The following SDC2 variants were observed in gnomAD, a reference collection of about 807,000 sequenced individuals.
SDC2 encodes syndecan-2.
Under a neutral mutation model 22.2 loss-of-function variants are expected in SDC2, and 13 were observed. The ratio of observed to expected loss-of-function variants is 0.59; its 90% CI spans 0.38 to 0.93. SDC2 has a LOEUF of 0.93. Ranked by LOEUF, SDC2 falls within the 40% of genes least tolerant of loss-of-function variation. SDC2 has a pLI of 0.00. For missense variants in SDC2, 235 were observed against 246.8 expected (o/e 0.95, Z 0.32); for synonymous variants, 94 against 92.8 (o/e 1.01, Z -0.07).
At position 96,602,392 on chromosome 8, in the gene SDC2, C is replaced by T. The variant is rs368195397; in HGVS notation, c.173-3C>T. ...CTCAGTTCATCTTCACTTACTTTTCCAGGAGCTGATGAGGATGTAGAGAGT... is the reference window on the plus strand; with the variant it reads ...CTCAGTTCATCTTCACTTACTTTTCTAGGAGCTGATGAGGATGTAGAGAGT... On this transcript the variant is annotated splice_region_variant and splice_polypyrimidine_tract_variant and intron_variant, in intron 2 of 4. Coordinates refer to ENST00000302190, the MANE Select transcript of SDC2 (RefSeq NM_002998.4). The T allele has an allele frequency of 1.2e-6, 2 of 1,613,312 alleles. No homozygotes were observed. Among genetic ancestry groups the T allele is most frequent in the Non-Finnish European group, 1.7e-6 (2 of 1,179,550 alleles).
At chr8:96,520,501 C>T (rs186908892) in intron 1 of SDC2, among the ~76,000 whole-genome samples, 4 of 152,278 alleles carry the variant, frequency 2.6e-5, no homozygotes, top group Non-Finnish European at 4.4e-5. Context: ...AGAGCCTCTC[C>T]TCACATTCCC....
At chr8:96,494,692 G>A (rs1212912187) in intron 1 of SDC2, among the ~76,000 whole-genome samples, 1 of 152,138 alleles carries the variant, frequency 6.6e-6, no homozygotes, top group Non-Finnish European at 1.5e-5. Flanking sequence ...CCTGGGTCGG[G>A]CCCGCGAGGG....
intron 1 of SDC2, among the ~76,000 whole-genome samples, chr8:96,570,938 G>A (rs1171840351): frequency 6.6e-6 from 1 of 152,130 alleles, no homozygotes; most frequent in East Asian, 1.9e-4. Context: ...ACTGTTTAAT[G>A]GGTAGAGTTT....
intron 1 of SDC2, among the ~76,000 whole-genome samples, chr8:96,560,447 A>G (rs891796266): frequency 6.6e-6 from 1 of 152,224 alleles, no homozygotes; most frequent in African/African-American, 2.4e-5. Flanking sequence ...TACCAAAGAT[A>G]TGTAACTGAA....
chr8:96,497,330 C>T (rs925541986), intron 1 of SDC2, among the ~76,000 whole-genome samples: 5 of 151,842 alleles, frequency 3.3e-5, no homozygotes, highest in Admixed American at 1.3e-4. Context: ...AACAAGGGCT[C>T]TTTCTCTCTT....
chr8:96,515,918 TTTC>T (rs1813394642), intron 1 of SDC2, among the ~76,000 whole-genome samples: 1 of 152,064 alleles, frequency 6.6e-6, no homozygotes, highest in Non-Finnish European at 1.5e-5. Flanking sequence ...ATCATGACAC[TTTC>T]ACCAACTTAC....
intron 1 of SDC2, among the ~76,000 whole-genome samples, chr8:96,535,553 G>C (rs184485691): frequency 1.3e-5 from 2 of 152,328 alleles, no homozygotes; most frequent in East Asian, 1.9e-4. Context: ...CGAACTTAAA[G>C]AGAAAATGCC....
At chr8:96,557,629 G>T (rs573021619) in intron 1 of SDC2, among the ~76,000 whole-genome samples, 2 of 151,602 alleles carry the variant, frequency 1.3e-5, no homozygotes, top group Admixed American at 1.3e-4. Context: ...CTGTGGTGGG[G>T]TGGGGGGAGT....
At chr8:96,607,108 TC>T (rs143121083) in intron 3 of SDC2, among the ~76,000 whole-genome samples, 2 of 151,676 alleles carry the variant, frequency 1.3e-5, no homozygotes, top group African/African-American at 2.4e-5. Context: ...AATAGTTTCA[TC>T]CCCCTCCATC....
At chr8:96,577,459 A>G (rs1586310398) in intron 1 of SDC2, among the ~76,000 whole-genome samples, 1 of 152,214 alleles carries the variant, frequency 6.6e-6, no homozygotes. Context: ...AATTGAGCAG[A>G]TAGAACATTG....
intron 1 of SDC2, among the ~76,000 whole-genome samples, chr8:96,527,015 A>G (rs1813588762): frequency 6.6e-6 from 1 of 152,114 alleles, no homozygotes; most frequent in African/African-American, 2.4e-5. Context: ...TTTGGATGTC[A>G]GAGTCATATT....
intron 1 of SDC2, among the ~76,000 whole-genome samples, chr8:96,574,768 C>A (rs1447144753): frequency 6.6e-6 from 1 of 152,148 alleles, no homozygotes; most frequent in Non-Finnish European, 1.5e-5. Flanking sequence ...TGTTTTATGT[C>A]TTTGGAAAAA....
At chr8:96,596,441 G>A (rs182098541) in intron 2 of SDC2, among the ~76,000 whole-genome samples, 26 of 152,298 alleles carry the variant, frequency 1.7e-4, no homozygotes, top group African/African-American at 6.0e-4. Context: ...TTCTATATGT[G>A]GGCTCAAGTA....
chr8:96,547,486 G>T (rs1171143753), intron 1 of SDC2, among the ~76,000 whole-genome samples: 5 of 152,186 alleles, frequency 3.3e-5, no homozygotes, highest in African/African-American at 1.2e-4. Flanking sequence ...CTGTTAGGCG[G>T]CTCCATGTGT....
At chr8:96,549,782 T>A (rs183043855) in intron 1 of SDC2, among the ~76,000 whole-genome samples, 3 of 152,358 alleles carry the variant, frequency 2.0e-5, no homozygotes, top group Admixed American at 2.0e-4. Flanking sequence ...TAAATTTGAT[T>A]TTTTAGTTGA....
chr8:96,545,992 G>T (rs1382515753), intron 1 of SDC2, among the ~76,000 whole-genome samples: 1 of 152,226 alleles, frequency 6.6e-6, no homozygotes, highest in Admixed American at 6.5e-5. Flanking sequence ...GGCAACAGCA[G>T]TCAGGCTCTA....
chr8:96,494,276 G>T lies in SDC2; in HGVS notation c.5G>T (p.Arg2Leu). The T allele has an allele frequency of 6.5e-7, 1 of 1,545,604 alleles. No homozygotes were observed. The change falls in exon 1 of 5, where the codon CGG (arginine) becomes CTG (leucine). Residue 2 changes from arginine to leucine, a missense_variant. By Grantham distance (102) the Arg-to-Leu change is moderately radical (BLOSUM62 -2). Coordinates refer to ENST00000302190, the MANE Select transcript of SDC2 (RefSeq NM_002998.4). Reference sequence around the variant, plus strand: ...AGCAGCCGGTCCCTGGGGAATATGCGGCGCGCGTGGATCCTGCTCACCTTG... The same window carrying T: ...AGCAGCCGGTCCCTGGGGAATATGCTGCGCGCGTGGATCCTGCTCACCTTG... M[R>L]RAWILLTLGL... is the part of the protein sequence containing the mutation.
At chr8:96,561,669 C>G (rs1473735215) in intron 1 of SDC2, among the ~76,000 whole-genome samples, 1 of 152,184 alleles carries the variant, frequency 6.6e-6, no homozygotes, top group African/African-American at 2.4e-5. Context: ...CAAATTTCTT[C>G]CTTACCAAGT....
chr8:96,535,060 A>G (rs918802545), intron 1 of SDC2, among the ~76,000 whole-genome samples: 13 of 151,438 alleles, frequency 8.6e-5, no homozygotes, highest in African/African-American at 2.9e-4. Flanking sequence ...CTGGAGTGCA[A>G]TGGTGCGATC....
Sources: allele counts gnomAD v4.1 joint callset (sites outside exome capture counted in the v4.1 genomes callset), GRCh38; gene constraint gnomAD v4.1.1; transcripts MANE v1.5; gene names NCBI Gene and HGNC (gene_info 2026-07-23, HGNC 2026-07-21).